Variants in TAX1BP1 observed in about 807,000 individuals in gnomAD.
TAX1BP1 encodes the protein tax1-binding protein 1.
TAX1BP1 carries 62 observed loss-of-function variants against 97.7 expected under a neutral mutation model. The observed-to-expected ratio is 0.63, with a 90% confidence interval of 0.52 to 0.78. The LOEUF (loss-of-function observed/expected upper bound fraction) is 0.78. TAX1BP1 is among the 30% of genes least tolerant of loss of function. The pLI, the probability that TAX1BP1 is intolerant of heterozygous loss-of-function variation, is 0.00. For synonymous variants in TAX1BP1, 340 were observed against 304.2 expected, an observed-to-expected ratio of 1.12 and a Z score of -1.23; for missense variants, 867 against 916.1, an observed-to-expected ratio of 0.95 and a Z score of 0.69.
intron 3 of TAX1BP1, among the ~76,000 whole-genome samples, chr7:27,760,042 C>T (rs757280210): frequency 1.3e-4 from 20 of 151,844 alleles, no homozygotes; most frequent in Non-Finnish European, 1.9e-4. Flanking sequence ...TTAATGGAGA[C>T]GGGGTTTTGC....
At chr7:27,784,426 T>A (rs541948227) in intron 5 of TAX1BP1, among the ~76,000 whole-genome samples, 1 of 152,260 alleles carries the variant, frequency 6.6e-6, no homozygotes, top group South Asian at 2.1e-4. Context: ...CTTTTATATT[T>A]GTCTTAGTGT....
intron 1 of TAX1BP1, among the ~76,000 whole-genome samples, chr7:27,744,830 T>C (rs1291089883): frequency 6.6e-6 from 1 of 152,200 alleles, no homozygotes; most frequent in Admixed American, 6.5e-5. Context: ...CTATATATTA[T>C]TTATCTTTTT....
chr7:27,803,198 TAAAC>T (rs1562733539), intron 13 of TAX1BP1: 2 of 1,510,520 alleles, frequency 1.3e-6, no homozygotes, highest in East Asian at 2.5e-5. Flanking sequence ...GCAATGTAGT[TAAAC>T]AAATGTGTAT....
In TAX1BP1 at chr7:27,793,908, A is replaced by T. The variant is rs71539548; in HGVS notation, c.1411-415A>T. 7.6e-3 allele frequency among the ~76,000 whole-genome samples: 1,158 copies of T among 152,320 alleles called. 6 individuals carry two copies. Among genetic ancestry groups the T allele is most frequent in the Middle Eastern group, 0.014 (4 of 294 alleles). On this transcript the variant is annotated intron_variant, in intron 10 of 16. Coordinates refer to ENST00000396319, the MANE Select transcript of TAX1BP1 (RefSeq NM_006024.7). ...ATGCATATGATACTTTCCTGGTCCT[A>T]CTTTTTTAAATCAGAGGAGACAAGC...
chr7:27,799,061 C>T (rs114808443), intron 12 of TAX1BP1, among the ~76,000 whole-genome samples: 197 of 151,914 alleles, frequency 1.3e-3, no homozygotes, highest in African/African-American at 4.2e-3. Flanking sequence ...TGCTTTTTAC[C>T]TTCTAAGGAA....
At chr7:27,743,037 A>T (rs988422670) in intron 1 of TAX1BP1, among the ~76,000 whole-genome samples, 2 of 152,194 alleles carry the variant, frequency 1.3e-5, no homozygotes, top group Admixed American at 6.5e-5. Context: ...GTCCCAAATA[A>T]ACCTTTAGAA....
At chr7:27,760,130 A>G (rs1788368410) in intron 3 of TAX1BP1, among the ~76,000 whole-genome samples, 3 of 152,232 alleles carry the variant, frequency 2.0e-5, no homozygotes, top group East Asian at 3.9e-4. Flanking sequence ...CTGGGATTAC[A>G]AGTGTGAGCC....
intron 2 of TAX1BP1, among the ~76,000 whole-genome samples, chr7:27,757,686 A>G (rs1788275761): frequency 6.6e-6 from 1 of 152,116 alleles, no homozygotes; most frequent in Non-Finnish European, 1.5e-5. Context: ...TAAAAAATAA[A>G]TAACAAGTAT....
chr7:27,769,534 G>A, intron 4 of TAX1BP1, 142 bp from the exon 5 acceptor site: 7 of 612,742 alleles, frequency 1.1e-5, no homozygotes, highest in Non-Finnish European at 1.9e-5. Flanking sequence ...AAAAAAGGCT[G>A]ATTGATATAA....
At chr7:27,739,992 G>C (rs563027826), upstream of TAX1BP1, 2 of 152,358 alleles carry the variant, frequency 1.3e-5, no homozygotes, top group Admixed American at 1.3e-4. Context: ...TAGCAAGGAC[G>C]AAGTAAGGAG....
At chr7:27,816,670 GTAAC>G (rs1223260630) in intron 14 of TAX1BP1, 150 bp downstream of exon 14, 2 of 869,474 alleles carry the variant, frequency 2.3e-6, no homozygotes, top group Non-Finnish European at 3.4e-6. Context: ...ATTTAACACT[GTAAC>G]TGGCTTCATC....
chr7:27,792,258 TTTTGA>T, intron 9 of TAX1BP1, 28 bp downstream of exon 9: 1 of 1,556,998 alleles, frequency 6.4e-7, no homozygotes, highest in Non-Finnish European at 8.7e-7. Context: ...TGAATTTGCA[TTTTGA>T]TTTAAGAAAC....
chr7:27,792,677 A>T (rs950010312), intron 9 of TAX1BP1, among the ~76,000 whole-genome samples: 1 of 152,156 alleles, frequency 6.6e-6, no homozygotes, highest in Non-Finnish European at 1.5e-5. Flanking sequence ...AAAATAAAAA[A>T]GTGGCCGGGG....
chr7:27,746,763 A>G (rs1461714443), intron 1 of TAX1BP1, among the ~76,000 whole-genome samples: 1 of 152,158 alleles, frequency 6.6e-6, no homozygotes, highest in Non-Finnish European at 1.5e-5. Flanking sequence ...GGAGAGGCTG[A>G]CAACTAGCCT....
At chr7:27,771,241 T>G (rs1192767147) in intron 5 of TAX1BP1, among the ~76,000 whole-genome samples, 2 of 149,734 alleles carry the variant, frequency 1.3e-5, no homozygotes, top group Non-Finnish European at 1.5e-5. Context: ...TTTTCCAAAG[T>G]TTAATGTCAA....
intron 10 of TAX1BP1, 121 bp downstream of exon 10, chr7:27,793,333 G>A: frequency 1.1e-6 from 1 of 910,454 alleles, no homozygotes; most frequent in Non-Finnish European, 1.5e-6. Flanking sequence ...TTGATTTCAA[G>A]TCATTGGCCA....
chr7:27,755,900 G>A (rs1032743648), intron 2 of TAX1BP1, among the ~76,000 whole-genome samples: 2 of 152,140 alleles, frequency 1.3e-5, no homozygotes, highest in African/African-American at 4.8e-5. Flanking sequence ...GTGTTGCCAT[G>A]TTCTCCCTGC....
At chr7:27,766,444 A>G (rs1276856806) in intron 4 of TAX1BP1, among the ~76,000 whole-genome samples, 22 of 74,986 alleles carry the variant, frequency 2.9e-4, no homozygotes, top group Non-Finnish European at 6.6e-4. Flanking sequence ...AAAAAAAAAA[A>G]AAAAAAAAAA....
upstream of TAX1BP1, chr7:27,739,483 T>A (rs946005808): frequency 2.6e-5 from 4 of 152,136 alleles, no homozygotes; most frequent in Non-Finnish European, 5.9e-5. Context: ...CAAGCAAAAG[T>A]GATTTTAGAA....
Sources: allele counts gnomAD v4.1 joint callset (sites outside exome capture counted in the v4.1 genomes callset), GRCh38; gene constraint gnomAD v4.1.1; transcripts MANE v1.5; gene names NCBI Gene and HGNC (gene_info 2026-07-23, HGNC 2026-07-21).